The following HDAC4 variants were observed in gnomAD, a reference collection of about 807,000 sequenced individuals.
HDAC4 encodes the protein histone deacetylase A.
HDAC4 carries 16 observed loss-of-function variants against 135.1 expected under a neutral mutation model. That is an observed-to-expected ratio of 0.12 (90% CI 0.08 to 0.18). HDAC4 has a LOEUF of 0.18. Among genes scored for constraint, HDAC4 ranks in the 10% least tolerant of loss-of-function variants. The probability of loss-of-function intolerance (pLI) is 1.00; values close to 1 mark genes in which losing one functional copy is unlikely to be tolerated. For synonymous variants in HDAC4, 685 were observed against 653.4 expected (o/e 1.05, Z -0.74); for missense variants, 1,143 against 1,511.8 (o/e 0.76, Z 4.05).
chr2:239,058,569 C>T (rs139222720), intron 24 of HDAC4, among the ~76,000 whole-genome samples: 198 of 152,326 alleles, frequency 1.3e-3, no homozygotes, highest in African/African-American at 4.6e-3. Context: ...GGCCAAAGGG[C>T]AGCTGGGGTC....
rs141797366 is a variant in HDAC4, at chr2:239,186,191, A to G, written c.339+3642T>C. 7.0e-4 allele frequency among the ~76,000 whole-genome samples: 106 copies of G among 152,338 alleles called. 1 individual carries two copies. The highest frequency in any genetic ancestry group is 2.5e-3 in the African/African-American group (102 of 41,584). Reference sequence around the variant, plus strand: ...GGAAACCGGAAAGTCCAAGGGGACCACGAGCATTAAAATTCTCCTAAAAGA... The same window carrying G: ...GGAAACCGGAAAGTCCAAGGGGACCGCGAGCATTAAAATTCTCCTAAAAGA... On this transcript the variant is annotated intron_variant, in intron 4 of 26. Transcript: ENST00000543185.
At chr2:239,269,295 CCACACACATTCACACACCCACA>C (rs1246790909) in intron 2 of HDAC4, among the ~76,000 whole-genome samples, 6 of 150,620 alleles carry the variant, frequency 4.0e-5, no homozygotes, top group African/African-American at 1.5e-4. Context: ...ATTCACACAC[CCACACACATTCACACACCCACA>C]CACATTCACA....
intron 3 of HDAC4, among the ~76,000 whole-genome samples, chr2:239,191,810 C>T (rs2044979689): frequency 6.6e-6 from 1 of 152,208 alleles, no homozygotes; most frequent in African/African-American, 2.4e-5. Flanking sequence ...CTGAGGAGTG[C>T]CCAGGCCTCA....
rs1693257329 is a variant in HDAC4, at chr2:239,352,932, A to C, written c.-219-14T>G. 3 of 563,376 alleles carry C rather than the reference A, an allele frequency of 5.3e-6. No individual in the cohort carries two copies. In the African/African-American group the frequency reaches 5.6e-5, roughly 11 times the overall value. The allele number at this position is 563,376 out of a possible 1,614,324, so 34.9% of individuals were successfully genotyped here. On this transcript the variant is annotated splice_polypyrimidine_tract_variant and intron_variant, in intron 1 of 26. Coordinates refer to ENST00000543185, the MANE Select transcript of HDAC4 (RefSeq NM_001378414.1). The surrounding 1 kb of genome is among the most constrained non-coding windows in gnomAD (Gnocchi z 4.4). ...CTGCAGATGAACCTGCAAGGTCAGA[A>C]GGAGAAAAGAGACTGGAGTTACAAC...
chr2:239,224,028 T>A (rs949334559), intron 3 of HDAC4, among the ~76,000 whole-genome samples: 3 of 152,056 alleles, frequency 2.0e-5, no homozygotes, highest in African/African-American at 7.2e-5. Context: ...TGTTCCAAAC[T>A]GGGTGCCTTT....
At chr2:239,077,004 C>T (rs1237378645) in intron 22 of HDAC4, among the ~76,000 whole-genome samples, 2 of 152,262 alleles carry the variant, frequency 1.3e-5, no homozygotes, top group East Asian at 1.9e-4. Flanking sequence ...GAGATGGCCC[C>T]ACCTCACCAG....
At chr2:239,348,375 A>G (rs1048056125) in intron 2 of HDAC4, among the ~76,000 whole-genome samples, 1 of 152,220 alleles carries the variant, frequency 6.6e-6, no homozygotes, top group Non-Finnish European at 1.5e-5. Flanking sequence ...ACATTCCGGA[A>G]GGGAAAGTAA....
intron 2 of HDAC4, among the ~76,000 whole-genome samples, chr2:239,265,208 A>T (rs2049648750): frequency 6.6e-6 from 1 of 152,202 alleles, no homozygotes; most frequent in African/African-American, 2.4e-5. Flanking sequence ...CATGTGTGCC[A>T]ACCCCAGGAT....
intron 4 of HDAC4, among the ~76,000 whole-genome samples, chr2:239,180,724 G>A (rs2044095442): frequency 6.6e-6 from 1 of 152,210 alleles, no homozygotes; most frequent in Non-Finnish European, 1.5e-5. Flanking sequence ...CCCCTCATGA[G>A]TGCCCCATGT....
chr2:239,386,789 A>G (rs1439946501), intron 1 of HDAC4, among the ~76,000 whole-genome samples: 1 of 152,210 alleles, frequency 6.6e-6, no homozygotes, highest in East Asian at 1.9e-4. Flanking sequence ...GAGACAGCCC[A>G]GTTCTAACAG....
chr2:239,261,873 T>A (rs1575553851), intron 2 of HDAC4, among the ~76,000 whole-genome samples: 1 of 151,938 alleles, frequency 6.6e-6, no homozygotes, highest in Non-Finnish European at 1.5e-5. Flanking sequence ...AGCCAGGAGG[T>A]TCTGCTGCCA....
intron 2 of HDAC4, among the ~76,000 whole-genome samples, chr2:239,242,550 T>C (rs2048249009): frequency 6.6e-6 from 1 of 152,264 alleles, no homozygotes; most frequent in Non-Finnish European, 1.5e-5. Flanking sequence ...TCTGTAGTTA[T>C]CGTGTATTTT....
At chr2:239,055,904 G>C (rs74475372) in intron 24 of HDAC4, among the ~76,000 whole-genome samples, 1 of 152,188 alleles carries the variant, frequency 6.6e-6, no homozygotes, top group Non-Finnish European at 1.5e-5. Context: ...CCTTGCTGGG[G>C]CTGGAAAGAC....
At chr2:239,094,514 G>C in intron 17 of HDAC4, 2 of 1,038,854 alleles carry the variant, frequency 1.9e-6, no homozygotes, top group Non-Finnish European at 2.3e-6. Flanking sequence ...GCCCAGGCCA[G>C]GTCCATATCA....
intron 22 of HDAC4, among the ~76,000 whole-genome samples, chr2:239,069,902 T>C (rs1031067762): frequency 6.6e-6 from 1 of 152,202 alleles, no homozygotes; most frequent in Non-Finnish European, 1.5e-5. Context: ...GTAACCCCCA[T>C]GGGACAAGCT....
rs962378358 is a variant in HDAC4 at position 239,052,726 on chromosome 2, T to C, written c.*371A>G. The C allele has an allele frequency of 3.2e-6, 1 of 310,698 alleles. No homozygotes were observed. The highest frequency in any genetic ancestry group is 4.1e-5 in the South Asian group (1 of 24,434). The allele number at this position is 310,698 out of a possible 1,614,324, so 19.2% of individuals were successfully genotyped here. A position where few individuals can be genotyped will look rare whatever the true frequency, so the allele number is the denominator to read the frequency against. On this transcript the variant is annotated 3_prime_UTR_variant, in exon 27 of 27. Coordinates refer to ENST00000543185, the MANE Select transcript of HDAC4 (RefSeq NM_001378414.1). ...TTGTTTTGTATTATTAGATCTTTGA[T>C]ATTTGTTTTCTGTGCCTCGTGTCAA...
chr2:239,205,510 G>GA (rs1559224187), intron 3 of HDAC4, among the ~76,000 whole-genome samples: 1 of 152,144 alleles, frequency 6.6e-6, no homozygotes, highest in Non-Finnish European at 1.5e-5. Flanking sequence ...ATACCAGGCT[G>GA]AAAACTAAGA....
In HDAC4 at chr2:239,262,513, G is replaced by A. The variant is rs568219847; in HGVS notation, c.23-25849C>T. On this transcript the variant is annotated intron_variant, in intron 2 of 26. Coordinates refer to ENST00000543185, the MANE Select transcript of HDAC4 (RefSeq NM_001378414.1). This position sits in a 1 kb window ranked among gnomAD's most constrained non-coding sequence, Gnocchi z 4.1. ...ACCCTTGCCTTGTTTGCCCAGGTCC[G>A]AGATGAGGTAATGCCATTAGCAGGC... is the stretch of plus-strand genomic sequence containing the variant. Among the ~76,000 whole-genome samples, 13 of 152,352 alleles carry A rather than the reference G, an allele frequency of 8.5e-5. No individual in the cohort carries two copies. Among genetic ancestry groups the A allele is most frequent in the Admixed American group, 2.6e-4 (4 of 15,306 alleles).
intron 1 of HDAC4, among the ~76,000 whole-genome samples, chr2:239,391,017 G>A (rs1696165002): frequency 6.6e-6 from 1 of 152,252 alleles, no homozygotes; most frequent in Non-Finnish European, 1.5e-5. Context: ...AGACGGCAAA[G>A]CCGTGGCACA....
Sources: gnomAD v4.1 joint callset for allele counts (sites outside exome capture counted in the v4.1 genomes callset) on GRCh38, gnomAD v4.1.1 for gene constraint, Gnocchi (gnomAD v3.1) non-coding constraint, MANE v1.5 for transcripts, NCBI Gene and HGNC (gene_info 2026-07-23, HGNC 2026-07-21) for gene names.